The following PHLPP1 variants were observed in gnomAD, a reference collection of about 807,000 sequenced individuals.
The protein encoded by PHLPP1 is PH domain and leucine rich repeat protein phosphatase 1, also known as PH domain leucine-rich repeat-containing protein phosphatase 1.
Under a neutral mutation model 117.2 loss-of-function variants are expected in PHLPP1, and 42 were observed. The observed-to-expected ratio is 0.36, with a 90% CI of 0.28 to 0.46. The LOEUF (loss-of-function observed/expected upper bound fraction) is 0.46. PHLPP1 is among the 20% of genes least tolerant of loss of function. The pLI is 1.00. For missense variants in PHLPP1, 2,084 were observed against 2,241.9 expected, an observed-to-expected ratio of 0.93 and a Z score of 1.42; for synonymous variants, 1,042 against 970.7, an observed-to-expected ratio of 1.07 and a Z score of -1.37.
At chr18:62,813,008 G>T (rs1160698720) in intron 1 of PHLPP1, among the ~76,000 whole-genome samples, 1 of 152,188 alleles carries the variant, frequency 6.6e-6, no homozygotes, top group African/African-American at 2.4e-5. Context: ...ATGCTGAAAG[G>T]ACTCTTAAGG....
chr18:62,880,921 G>A (rs555726345), intron 4 of PHLPP1, among the ~76,000 whole-genome samples: 22 of 152,192 alleles, frequency 1.4e-4, no homozygotes, highest in African/African-American at 4.6e-4. Flanking sequence ...CTTCCACTGC[G>A]TACCTCCCTC....
At chr18:62,864,650 C>A (rs1915726240) in intron 4 of PHLPP1, among the ~76,000 whole-genome samples, 1 of 152,174 alleles carries the variant, frequency 6.6e-6, no homozygotes, top group Admixed American at 6.5e-5. Context: ...GTAAAATTAT[C>A]CCAAGTAAAC....
chr18:62,817,950 G>A (rs1272022760), intron 1 of PHLPP1, among the ~76,000 whole-genome samples: 2 of 149,478 alleles, frequency 1.3e-5, no homozygotes, highest in South Asian at 2.1e-4. Context: ...CGCCTCCCAG[G>A]TTCAAGCGAT....
chr18:62,813,353 C>A (rs1914177865), intron 1 of PHLPP1, among the ~76,000 whole-genome samples: 1 of 152,126 alleles, frequency 6.6e-6, no homozygotes, highest in Admixed American at 6.5e-5. Context: ...GTGATCTGTC[C>A]ATGGAATCGT....
At chr18:62,832,758 T>TA (rs1914791659) in intron 2 of PHLPP1, among the ~76,000 whole-genome samples, 2 of 152,138 alleles carry the variant, frequency 1.3e-5, no homozygotes, top group South Asian at 2.1e-4. Flanking sequence ...TGTTTTTTTT[T>TA]ATCCTGTTCT....
chr18:62,754,940 A>G (rs1334340763), intron 1 of PHLPP1, among the ~76,000 whole-genome samples: 2 of 152,182 alleles, frequency 1.3e-5, no homozygotes, highest in African/African-American at 2.4e-5. Flanking sequence ...AGGCCTGGGC[A>G]GCATAGCAAT....
At chr18:62,805,030 G>T (rs1448015659) in intron 1 of PHLPP1, among the ~76,000 whole-genome samples, 1 of 120,106 alleles carries the variant, frequency 8.3e-6, no homozygotes, top group Non-Finnish European at 1.7e-5. Flanking sequence ...CACTGCATAG[G>T]TTATACATAT....
chr18:62,922,883 A>G (rs2144429161), intron 10 of PHLPP1, among the ~76,000 whole-genome samples: 1 of 152,050 alleles, frequency 6.6e-6, no homozygotes, highest in East Asian at 1.9e-4. Context: ...GATTGTGGTG[A>G]CTCCCAGGAT....
At chr18:62,789,348 T>C (rs1913390997) in intron 1 of PHLPP1, among the ~76,000 whole-genome samples, 1 of 152,232 alleles carries the variant, frequency 6.6e-6, no homozygotes, top group African/African-American at 2.4e-5. Context: ...TGTGTGTTTA[T>C]GTGTGTATGT....
chr18:62,732,250 G>T (rs1012332941), intron 1 of PHLPP1, among the ~76,000 whole-genome samples: 2 of 152,192 alleles, frequency 1.3e-5, no homozygotes, highest in African/African-American at 4.8e-5. Context: ...TGACTCTCTT[G>T]TTAGGAATTA....
At chr18:62,944,991 C>G (rs1232051227) in intron 11 of PHLPP1, 118 bp from the exon 12 acceptor site, 1 of 740,660 alleles carries the variant, frequency 1.4e-6, no homozygotes. Context: ...AAAAAATGGT[C>G]TTGTTTGTAA....
rs117098038 is a variant in PHLPP1 at position 62,770,944 on chromosome 18, C to T, written c.1576+53685C>T. ...CTTTAGAAAGCAAAGATGGTCTGGG[C>T]GCGGTGGCTCACGCCTGTAATCCCA... On this transcript the variant is annotated intron_variant, in intron 1 of 16. Coordinates refer to ENST00000262719, the MANE Select transcript of PHLPP1 (RefSeq NM_194449.4). Among the ~76,000 whole-genome samples, 48 of 152,226 alleles carry T rather than the reference C, an allele frequency of 3.2e-4. 1 individual carries two copies. In the East Asian group the frequency reaches 6.5e-3, roughly 21 times the overall value.
chr18:62,720,492 A>C lies in PHLPP1; in HGVS notation c.1576+3233A>C, dbSNP rs58580105. Among the ~76,000 whole-genome samples the C allele has an allele frequency of 4.9e-3, 744 of 152,204 alleles. 10 individuals are homozygous for C. The highest frequency in any genetic ancestry group is 0.017 in the African/African-American group (713 of 41,520). ...CGGGAACAATCTTTTTATCCCTGTC[A>C]TATTTTATTTATTTTCTCTTCTGGG... On this transcript the variant is annotated intron_variant, in intron 1 of 16. Coordinates refer to ENST00000262719, the MANE Select transcript of PHLPP1 (RefSeq NM_194449.4).
intron 9 of PHLPP1, among the ~76,000 whole-genome samples, chr18:62,918,314 T>G (rs1474341078): frequency 6.6e-6 from 1 of 151,488 alleles, no homozygotes; most frequent in Non-Finnish European, 1.5e-5. Flanking sequence ...CCAAAAGAAT[T>G]GAACTAAACC....
intron 1 of PHLPP1, among the ~76,000 whole-genome samples, chr18:62,817,761 A>G (rs1474706077): frequency 6.6e-6 from 1 of 152,170 alleles, no homozygotes; most frequent in Non-Finnish European, 1.5e-5. Context: ...GCATAATTAA[A>G]TTGCTTAAAA....
chr18:62,805,370 GT>G lies in PHLPP1; in HGVS notation c.1577-24663del, dbSNP rs534575738. On this transcript the variant is annotated intron_variant, in intron 1 of 16. Coordinates refer to ENST00000262719, the MANE Select transcript of PHLPP1 (RefSeq NM_194449.4). ...ATACAGTATAATATACACTGCATAG[GT>G]TATACATATACAGTATAATATACAC... 2.7e-5 allele frequency among the ~76,000 whole-genome samples: 4 copies of G among 150,838 alleles called. No homozygotes were observed. The South Asian group carries it at 8.4e-4, about 32-fold the overall frequency.
intron 3 of PHLPP1, among the ~76,000 whole-genome samples, chr18:62,855,124 A>T (rs1005361723): frequency 1.3e-5 from 2 of 152,204 alleles, no homozygotes; most frequent in East Asian, 3.8e-4. Context: ...TAAATATTGT[A>T]TCTTAAGCTC....
chr18:62,893,297 G>A (rs974280977), intron 4 of PHLPP1, among the ~76,000 whole-genome samples: 1 of 152,044 alleles, frequency 6.6e-6, no homozygotes, highest in African/African-American at 2.4e-5. Flanking sequence ...TGCCCACCTC[G>A]GCCTCCCAAA....
chr18:62,873,119 T>C (rs576877435), intron 4 of PHLPP1, among the ~76,000 whole-genome samples: 4 of 152,260 alleles, frequency 2.6e-5, no homozygotes, highest in Admixed American at 6.5e-5. Context: ...TATTCTGCAG[T>C]CCTTCATAAG....
Sources: gnomAD v4.1 joint callset for allele counts (sites outside exome capture counted in the v4.1 genomes callset) on GRCh38, gnomAD v4.1.1 for gene constraint, MANE v1.5 for transcripts, NCBI Gene and HGNC (gene_info 2026-07-23, HGNC 2026-07-21) for gene names.